DMXL1: variants seen among roughly 807,000 people sequenced by gnomAD.
The protein encoded by DMXL1 is Dmx like 1.
DMXL1 carries 99 observed loss-of-function variants against 319.2 expected under a neutral mutation model. That is an observed-to-expected ratio of 0.31 (90% CI 0.26 to 0.37). DMXL1 has a LOEUF of 0.37. DMXL1 is among the 10% of genes least tolerant of loss of function. The pLI is 1.00. For synonymous variants in DMXL1, 1,385 were observed against 1,235.2 expected (o/e 1.12, Z -2.54); for missense variants, 3,745 against 3,595.6 (o/e 1.04, Z -1.06).
At chr5:119,208,441 C>G (rs1386556619) in intron 34 of DMXL1, among the ~76,000 whole-genome samples, 1 of 151,858 alleles carries the variant, frequency 6.6e-6, no homozygotes, top group Non-Finnish European at 1.5e-5. Flanking sequence ...CTTGAACTCC[C>G]AACGTCAGGT....
intron 13 of DMXL1, among the ~76,000 whole-genome samples, chr5:119,135,359 G>A (rs181337216): frequency 3.2e-4 from 48 of 152,270 alleles, no homozygotes; most frequent in African/African-American, 1.1e-3. Context: ...ATTAGGAATT[G>A]CCAAGTAAGT....
rs904220868 is a variant in DMXL1, at chr5:119,247,017, G to T, written c.8945G>T (p.Gly2982Val). ...NIKIWSLSTFGLLHTFVSEHA... is the reference protein window; with the variant it reads ...NIKIWSLSTFVLLHTFVSEHA... ...CAGATTTGGAGTCTCTCTACCTTTG[G>T]TCTTCTCCATACTTTTGTCAGTGAA... The change falls in exon 44 of 44, where the codon GGT (glycine) becomes GTT (valine). Residue 2982 changes from glycine (G) to valine (V), a missense_variant. By Grantham distance (109) the Gly-to-Val change is moderately radical (BLOSUM62 -3). Around this residue, in one of 4 missense-constraint regions of DMXL1, gnomAD observed 262 missense variants for 320.5 expected, o/e 0.82. Transcript: ENST00000539542. The T allele has an allele frequency of 2.5e-6, 4 of 1,612,282 alleles. No individual in the cohort carries two copies. Among genetic ancestry groups the T allele is most frequent in the South Asian group, 2.2e-5 (2 of 90,970 alleles).
intron 34 of DMXL1, among the ~76,000 whole-genome samples, chr5:119,214,267 T>A (rs1783294798): frequency 6.6e-6 from 1 of 152,184 alleles, no homozygotes; most frequent in Non-Finnish European, 1.5e-5. Flanking sequence ...TTATTCACAC[T>A]ATGATTACAG....
At chr5:119,160,564 G>A (rs1239841134) in intron 19 of DMXL1, among the ~76,000 whole-genome samples, 1 of 152,176 alleles carries the variant, frequency 6.6e-6, no homozygotes, top group Non-Finnish European at 1.5e-5. Flanking sequence ...TGGTCTAAGA[G>A]ACTAAACATT....
chr5:119,119,027 T>C (rs1580806154), intron 8 of DMXL1, 23 bp downstream of exon 8: 4 of 1,547,810 alleles, frequency 2.6e-6, no homozygotes, highest in Non-Finnish European at 3.5e-6. Flanking sequence ...GTTACATTAC[T>C]TACTACAAGT....
chr5:119,151,985 A>G lies in DMXL1; in HGVS notation c.4651A>G (p.Thr1551Ala), dbSNP rs780525295. The G allele has an allele frequency of 6.2e-7, 1 of 1,613,226 alleles. No individual in the cohort carries two copies. Among genetic ancestry groups the G allele is most frequent in the Admixed American group, 1.7e-5 (1 of 59,944 alleles). The change falls in exon 19 of 44, where the codon ACC becomes GCC. Residue 1551 changes from threonine (T) to alanine (A), a missense_variant. Thr to Ala is a moderately conservative substitution (Grantham distance 58, BLOSUM62 0). Around this residue, in one of 4 missense-constraint regions of DMXL1, gnomAD observed 2,096 missense variants for 1,985.4 expected, o/e 1.06. Transcript: ENST00000539542. ...LKFLLAVRLH[T>A]FLTTSLPAYR... is the part of the protein sequence containing the mutation. Reference sequence around the variant, plus strand: ...ATTTCTTTTGGCTGTTCGACTCCATACCTTTCTTACAACTTCCCTTCCAGC... The same window carrying G: ...ATTTCTTTTGGCTGTTCGACTCCATGCCTTTCTTACAACTTCCCTTCCAGC...
In DMXL1 at chr5:119,116,191, G is replaced by A. The variant is rs915227432; in HGVS notation, c.598G>A (p.Glu200Lys). ...TCTTTTGAAGGTTTGGTATAATGTAGAAAACTGGCGGACAGCTGTTACTTC... is the reference window on the plus strand; with the variant it reads ...TCTTTTGAAGGTTTGGTATAATGTAAAAAACTGGCGGACAGCTGTTACTTC... ...DCLLKVWYNVENWRTAVTSPD... is the reference protein window; with the variant it reads ...DCLLKVWYNVKNWRTAVTSPD... Residue 200 changes from glutamate to lysine, a missense_variant, in exon 7 of 44, where the codon GAA becomes AAA. Glu to Lys is a moderately conservative substitution (Grantham distance 56, BLOSUM62 1). Transcript: ENST00000539542. 1 of 1,613,212 alleles carries A rather than the reference G, an allele frequency of 6.2e-7. No homozygotes were observed. Among genetic ancestry groups the A allele is most frequent in the African/African-American group, 1.3e-5 (1 of 74,894 alleles).
intron 40 of DMXL1, among the ~76,000 whole-genome samples, chr5:119,238,645 T>A (rs1413983209): frequency 6.6e-6 from 1 of 152,206 alleles, no homozygotes; most frequent in East Asian, 1.9e-4. Flanking sequence ...TCCTTTGAAC[T>A]TTTGGTTGAA....
At chr5:119,092,123 T>G (rs1754934494) in intron 1 of DMXL1, among the ~76,000 whole-genome samples, 2 of 152,186 alleles carry the variant, frequency 1.3e-5, no homozygotes, top group Admixed American at 1.3e-4. Context: ...GTTGTGAATG[T>G]GGAAGTCTCT....
intron 32 of DMXL1, among the ~76,000 whole-genome samples, chr5:119,202,873 ATATATATATTTT>A (rs1276949784): frequency 8.9e-6 from 1 of 112,410 alleles, no homozygotes; most frequent in Non-Finnish European, 1.9e-5. Context: ...ACATATATAT[ATATATATATTTT>A]TATATATATA....
At chr5:119,106,654 G>T (rs955548710) in intron 4 of DMXL1, among the ~76,000 whole-genome samples, 6 of 152,150 alleles carry the variant, frequency 3.9e-5, no homozygotes, top group Admixed American at 2.6e-4. Context: ...TTATGGTTTT[G>T]CGAGATTTGT....
chr5:119,166,773 G>A lies in DMXL1; in HGVS notation c.5128G>A (p.Ala1710Thr). ...TCTTTTAGCTGGTTGCCTCAGAGAT[G>A]CAATTGAGGTAATGAGTGAAATTTA... ...FFLLAGCLRD[A>T]IEVCLEKLND... Residue 1710 changes from alanine to threonine, a missense_variant, in exon 22 of 44, where the codon GCA becomes ACA. By Grantham distance (58) the Ala-to-Thr change is moderately conservative. Coordinates refer to ENST00000539542, the MANE Select transcript of DMXL1 (RefSeq NM_001290321.3). The A allele has an allele frequency of 6.2e-7, 1 of 1,607,948 alleles. No individual in the cohort carries two copies. Among genetic ancestry groups the A allele is most frequent in the East Asian group, 2.2e-5 (1 of 44,550 alleles).
intron 14 of DMXL1, 22 bp downstream of exon 14, chr5:119,143,952 G>C (rs1453075623): frequency 2.1e-6 from 3 of 1,445,164 alleles, no homozygotes; most frequent in East Asian, 4.8e-5. Flanking sequence ...TTTTGGGGGG[G>C]AGGTATATTA....
intron 17 of DMXL1, among the ~76,000 whole-genome samples, chr5:119,147,994 C>T (rs1049745384): frequency 1.3e-5 from 2 of 152,196 alleles, no homozygotes; most frequent in Non-Finnish European, 2.9e-5. Context: ...CCTGGACTTA[C>T]AAACCTTTAA....
chr5:119,182,542 C>A (rs1040962810), intron 28 of DMXL1, among the ~76,000 whole-genome samples: 12 of 151,930 alleles, frequency 7.9e-5, no homozygotes, highest in Non-Finnish European at 1.5e-4. Context: ...GCAATGATGG[C>A]CTCATGAACT....
At chr5:119,245,965 G>A (rs1044423613) in intron 43 of DMXL1, among the ~76,000 whole-genome samples, 6 of 151,858 alleles carry the variant, frequency 4.0e-5, no homozygotes, top group Non-Finnish European at 7.4e-5. Context: ...TCATATGCAG[G>A]GTAGTATGAA....
At chr5:119,175,171 C>T in intron 25 of DMXL1, 90 bp from the exon 26 acceptor site, 1 of 918,108 alleles carries the variant, frequency 1.1e-6, no homozygotes, top group Non-Finnish European at 1.6e-6. Flanking sequence ...TTTTTTCATT[C>T]TTTTAAAAAT....
intron 19 of DMXL1, among the ~76,000 whole-genome samples, chr5:119,155,844 A>C (rs1053466424): frequency 1.3e-5 from 2 of 151,422 alleles, no homozygotes; most frequent in Non-Finnish European, 2.9e-5. Flanking sequence ...AAAAAAAAAA[A>C]CAAAACTTCA....
chr5:119,188,137 A>G (rs1241137362), intron 28 of DMXL1, among the ~76,000 whole-genome samples: 1 of 152,238 alleles, frequency 6.6e-6, no homozygotes, highest in Non-Finnish European at 1.5e-5. Context: ...TTTATCTACC[A>G]GTGGGTCAGT....
Sources: gnomAD v4.1 joint callset for allele counts (sites outside exome capture counted in the v4.1 genomes callset) on GRCh38, gnomAD v4.1.1 for gene constraint, gnomAD v4.1.1 regional missense constraint, MANE v1.5 for transcripts, NCBI Gene and HGNC (gene_info 2026-07-23, HGNC 2026-07-21) for gene names.